Variants in DOCK3 observed in about 807,000 individuals in gnomAD.
DOCK3 encodes the protein dedicator of cytokinesis 3.
In DOCK3, 60 loss-of-function variants were observed where a neutral mutation model predicts 265.6. That is an observed-to-expected ratio of 0.23 (90% CI 0.18 to 0.28). The LOEUF (loss-of-function observed/expected upper bound fraction) is 0.28, where lower values mean the gene tolerates loss of function less well. DOCK3 is among the 10% of genes least tolerant of loss of function. DOCK3 has a pLI of 1.00. For missense variants in DOCK3, 1,981 were observed against 2,594.3 expected (o/e 0.76, Z 5.14); for synonymous variants, 881 against 938.0 (o/e 0.94, Z 1.11).
intron 23 of DOCK3, among the ~76,000 whole-genome samples, chr3:51,262,378 A>C (rs781743289): frequency 2.6e-5 from 4 of 152,232 alleles, no homozygotes; most frequent in Non-Finnish European, 5.9e-5. Context: ...CAACATCAAC[A>C]AAAAGGACAT....
intron 5 of DOCK3, among the ~76,000 whole-genome samples, chr3:50,994,364 T>C (rs2078209316): frequency 6.6e-6 from 1 of 152,214 alleles, no homozygotes; most frequent in South Asian, 2.1e-4. Context: ...ATAAGTATTG[T>C]TAGTATCTTC....
chr3:51,248,725 C>A (rs561981272), intron 22 of DOCK3, among the ~76,000 whole-genome samples: 17 of 150,172 alleles, frequency 1.1e-4, no homozygotes, highest in Non-Finnish European at 2.1e-4. Context: ...TCCGCCCGGC[C>A]GCCATCCCAT....
intron 1 of DOCK3, among the ~76,000 whole-genome samples, chr3:50,712,039 A>G (rs980345273): frequency 1.3e-5 from 2 of 152,032 alleles, no homozygotes; most frequent in African/African-American, 2.4e-5. Flanking sequence ...TCTTGATTTT[A>G]GTAATTTAAG....
chr3:51,060,186 TA>T (rs35488627), intron 5 of DOCK3, among the ~76,000 whole-genome samples: 1 of 149,942 alleles, frequency 6.7e-6, no homozygotes, highest in African/African-American at 2.5e-5. Context: ...CTATTGCATA[TA>T]AAAAAAAAGA....
chr3:50,874,530 CA>C (rs1553689903), intron 3 of DOCK3, among the ~76,000 whole-genome samples: 1 of 122,278 alleles, frequency 8.2e-6, no homozygotes, highest in East Asian at 2.2e-4. Flanking sequence ...AAAAAAAAAA[CA>C]AAAAAAGTAT....
intron 27 of DOCK3, among the ~76,000 whole-genome samples, chr3:51,294,843 T>C (rs1168765220): frequency 2.0e-5 from 3 of 152,060 alleles, no homozygotes; most frequent in African/African-American, 7.2e-5. Context: ...ATGGTGACAA[T>C]AGTTAATAAT....
chr3:50,959,583 T>G, intron 5 of DOCK3, among the ~76,000 whole-genome samples: 1 of 150,816 alleles, frequency 6.6e-6, no homozygotes, highest in Non-Finnish European at 1.5e-5. Context: ...ATTTATTTAT[T>G]TATTTATTTA....
intron 2 of DOCK3, chr3:50,787,584 C>G: frequency 9.8e-7 from 1 of 1,024,030 alleles, no homozygotes; most frequent in Non-Finnish European, 1.5e-6. Context: ...ACTTAGCTTT[C>G]TGCACTGGTG....
Position 51,381,397 on chromosome 3 carries a change from C to T in DOCK3, c.5931C>T (p.Pro1977=). Residue 1977 remains proline, a synonymous_variant, in exon 53 of 53, where the codon CCC becomes CCT. Transcript: ENST00000266037. This position sits in a 1 kb window ranked among gnomAD's most constrained non-coding sequence, Gnocchi z 5.6. ...ACCCGCCTGCGCTGCCGCCCAAGCC[C>T]TACCACCCCCGCCTGCCGGCCCTGG... ...PMDPPALPPK[P]YHPRLPALEH... is the part of the protein sequence containing the mutation. The T allele has an allele frequency of 1.9e-6, 3 of 1,612,492 alleles. No individual in the cohort carries two copies. Among genetic ancestry groups the T allele is most frequent in the South Asian group, 1.1e-5 (1 of 91,044 alleles).
rs577830104 is a variant in DOCK3 at position 51,118,851 on chromosome 3, T to G, written c.747-27698T>G. ...GTAAATATTCCTCCATCCCTTTATT[T>G]TGACCCTATGTGTGTTTTTGCACAT... On this transcript the variant is annotated intron_variant, in intron 9 of 52. Transcript: ENST00000266037. Among the ~76,000 whole-genome samples the G allele has an allele frequency of 3.2e-3, 488 of 152,336 alleles. 7 individuals carry two copies. Among genetic ancestry groups the G allele is most frequent in the African/African-American group, 0.011 (442 of 41,564 alleles).
chr3:51,297,485 A>G (rs2082153857), intron 27 of DOCK3, among the ~76,000 whole-genome samples: 1 of 152,228 alleles, frequency 6.6e-6, no homozygotes, highest in Non-Finnish European at 1.5e-5. Flanking sequence ...CCTACTACTC[A>G]AAGATAGAAA....
chr3:50,765,597 TATTA>T (rs1461047352), intron 1 of DOCK3, among the ~76,000 whole-genome samples: 1 of 152,172 alleles, frequency 6.6e-6, no homozygotes, highest in Non-Finnish European at 1.5e-5. Flanking sequence ...CCTGTTTTTA[TATTA>T]ATTAAAAAAA....
intron 9 of DOCK3, among the ~76,000 whole-genome samples, chr3:51,113,078 A>G (rs574983529): frequency 4.6e-5 from 7 of 152,312 alleles, no homozygotes; most frequent in South Asian, 2.1e-4. Context: ...TGCCCACCAT[A>G]TATAAGATAT....
At chr3:50,690,092 T>G (rs1359046913) in intron 1 of DOCK3, among the ~76,000 whole-genome samples, 1 of 152,114 alleles carries the variant, frequency 6.6e-6, no homozygotes, top group Non-Finnish European at 1.5e-5. Context: ...AATTTATTTT[T>G]ATTGTGGCAA....
intron 27 of DOCK3, among the ~76,000 whole-genome samples, chr3:51,284,550 A>AGC (rs1344447320): frequency 1.3e-5 from 2 of 152,190 alleles, no homozygotes; most frequent in African/African-American, 4.8e-5. Flanking sequence ...AGCAGTGCAG[A>AGC]AAAGGGGCAG....
chr3:51,343,027 T>A (rs2085339105), intron 38 of DOCK3, among the ~76,000 whole-genome samples: 1 of 152,100 alleles, frequency 6.6e-6, no homozygotes, highest in Non-Finnish European at 1.5e-5. Context: ...CAGCTCCTGA[T>A]GAAACTATTA....
chr3:51,153,866 A>C (rs1445027478), intron 10 of DOCK3, among the ~76,000 whole-genome samples: 3 of 152,196 alleles, frequency 2.0e-5, no homozygotes, highest in African/African-American at 7.2e-5. Context: ...TATTTGAGTT[A>C]ATTTATTTGC....
In DOCK3 at chr3:51,246,733, A is replaced by T. The variant is rs1341925674; in HGVS notation, c.2110A>T (p.Ile704Phe). The T allele has an allele frequency of 6.2e-7, 1 of 1,613,108 alleles. No homozygotes were observed. Among genetic ancestry groups the T allele is most frequent in the Non-Finnish European group, 8.5e-7 (1 of 1,179,530 alleles). Residue 704 changes from isoleucine (I) to phenylalanine (F), a missense_variant, in exon 22 of 53, where the codon ATC (isoleucine) becomes TTC (phenylalanine). Physicochemically the swap from Ile to Phe is conservative, Grantham distance 21. Transcript: ENST00000266037. ...AACTGTTCTCTTTCCCAGGGAGCTC[A>T]TCCGCTGTTTGAAGTGGTATATGGA... The part of the protein sequence containing the change: ...FAGALAYKEL[I>F]RCLKWYMDCS...
chr3:50,855,695 G>A (rs952133416), intron 3 of DOCK3, among the ~76,000 whole-genome samples: 2 of 151,740 alleles, frequency 1.3e-5, no homozygotes, highest in Non-Finnish European at 2.9e-5. Flanking sequence ...CAACTTTTAA[G>A]TCCAGGGATA....
Sources: gnomAD v4.1 joint callset for allele counts (sites outside exome capture counted in the v4.1 genomes callset) on GRCh38, gnomAD v4.1.1 for gene constraint, Gnocchi (gnomAD v3.1) non-coding constraint, MANE v1.5 for transcripts, NCBI Gene and HGNC (gene_info 2026-07-23, HGNC 2026-07-21) for gene names.